Variants in DNAI4 observed in about 807,000 individuals in gnomAD.
DNAI4 encodes dynein axonemal intermediate chain 4, also known as WD repeat domain 78.
Under a neutral mutation model 105.8 loss-of-function variants are expected in DNAI4, and 85 were observed. The observed-to-expected ratio is 0.80, with a 90% CI of 0.67 to 0.96. The LOEUF is 0.96. Among genes scored for constraint, DNAI4 ranks in the 40% least tolerant of loss-of-function variants. The pLI is 0.00. For missense variants in DNAI4, 1,014 were observed against 1,005.6 expected (o/e 1.01, Z -0.11); for synonymous variants, 352 against 331.5 (o/e 1.06, Z -0.67).
chr1:66,842,703 A>G (rs1646176423), intron 8 of DNAI4, among the ~76,000 whole-genome samples: 1 of 152,014 alleles, frequency 6.6e-6, no homozygotes, highest in Non-Finnish European at 1.5e-5. Flanking sequence ...AGACAAGAGT[A>G]TGTTTAGCTT....
At chr1:66,834,657 G>A (rs959958598) in intron 11 of DNAI4, among the ~76,000 whole-genome samples, 17 of 151,936 alleles carry the variant, frequency 1.1e-4, no homozygotes, top group Non-Finnish European at 2.4e-4. Flanking sequence ...CTATGGATTA[G>A]AGTTAAAATT....
intron 5 of DNAI4, among the ~76,000 whole-genome samples, chr1:66,873,833 T>TTTC (rs1646901393): frequency 6.6e-6 from 1 of 151,494 alleles, no homozygotes; most frequent in South Asian, 2.1e-4. Flanking sequence ...TATCTGTCCC[T>TTTC]TTCTTTTTTC....
At chr1:66,825,597 G>A (rs1645736613) in intron 15 of DNAI4, among the ~76,000 whole-genome samples, 1 of 152,212 alleles carries the variant, frequency 6.6e-6, no homozygotes, top group Admixed American at 6.5e-5. Context: ...TCTACCTAGT[G>A]TCCTCAAAAG....
intron 6 of DNAI4, among the ~76,000 whole-genome samples, chr1:66,863,451 GTTTA>G (rs905669011): frequency 1.3e-5 from 2 of 151,836 alleles, no homozygotes; most frequent in African/African-American, 2.4e-5. Flanking sequence ...TTTTTTGTTT[GTTTA>G]TTTGTTTGTT....
chr1:66,851,287 T>G (rs181012713), intron 7 of DNAI4, among the ~76,000 whole-genome samples: 3 of 151,872 alleles, frequency 2.0e-5, no homozygotes, highest in East Asian at 1.9e-4. Flanking sequence ...CAAGAAGACA[T>G]AGCAATAATT....
chr1:66,900,264 GCTAA>G (rs1320847488), intron 2 of DNAI4, among the ~76,000 whole-genome samples: 1 of 151,910 alleles, frequency 6.6e-6, no homozygotes, highest in Non-Finnish European at 1.5e-5. Context: ...ACCACACCCG[GCTAA>G]CTTTGTATTT....
At chr1:66,864,391 C>T (rs1646688113) in intron 6 of DNAI4, among the ~76,000 whole-genome samples, 1 of 152,100 alleles carries the variant, frequency 6.6e-6, no homozygotes, top group Admixed American at 6.5e-5. Context: ...GCATTCCAAA[C>T]TATGCCTTTT....
chr1:66,865,952 T>G (rs1481624736), intron 6 of DNAI4, among the ~76,000 whole-genome samples: 1 of 152,154 alleles, frequency 6.6e-6, no homozygotes. Context: ...AAAGGTGGCA[T>G]TTCAAATAAT....
intron 2 of DNAI4, among the ~76,000 whole-genome samples, chr1:66,897,948 G>C (rs1190845288): frequency 1.3e-5 from 2 of 152,076 alleles, no homozygotes; most frequent in African/African-American, 4.8e-5. Context: ...CAGAACTACA[G>C]AGCTATCAGC....
In DNAI4 at chr1:66,837,709, C is replaced by T; in HGVS notation, c.1581+1G>A. ...ATGCTTCTTATTCTTGTTTGGGTTA[C>T]CATGGGATTCTTTATTGACCAGCAG... On this transcript the variant is annotated splice_donor_variant, in intron 10 of 16. Coordinates refer to ENST00000371026, the MANE Select transcript of DNAI4 (RefSeq NM_024763.5). LOFTEE classifies it high-confidence loss of function. 1.2e-6 allele frequency: 2 copies of T among 1,606,972 alleles called. No individual in the cohort carries two copies. Among genetic ancestry groups the T allele is most frequent in the Admixed American group, 1.7e-5 (1 of 59,584 alleles).
intron 16 of DNAI4, among the ~76,000 whole-genome samples, chr1:66,816,871 A>C (rs184807776): frequency 6.6e-6 from 1 of 151,984 alleles, no homozygotes; most frequent in South Asian, 2.1e-4. Context: ...TCAAATCCAA[A>C]CACAAAAATT....
chr1:66,891,505 A>G (rs1647643975), intron 3 of DNAI4, among the ~76,000 whole-genome samples: 1 of 152,232 alleles, frequency 6.6e-6, no homozygotes, highest in African/African-American at 2.4e-5. Context: ...TCTGTCACCC[A>G]GGCTGTAGTG....
At chr1:66,847,720 G>A (rs1642387997) in intron 7 of DNAI4, 42 bp from the exon 8 acceptor site, 1 of 1,413,154 alleles carries the variant, frequency 7.1e-7, no homozygotes, top group Non-Finnish European at 9.7e-7. Context: ...ATATTCAAAT[G>A]GATGGTTCAT....
chr1:66,813,036 A>G lies in DNAI4; in HGVS notation c.*1094T>C, dbSNP rs1162691649. 1 of 152,386 alleles carries G rather than the reference A, an allele frequency of 6.6e-6. No homozygotes were observed. The allele number at this position is 152,386 out of a possible 1,614,324, so 9.4% of individuals were successfully genotyped here. On this transcript the variant is annotated 3_prime_UTR_variant, in exon 17 of 17. Coordinates refer to ENST00000371026, the MANE Select transcript of DNAI4 (RefSeq NM_024763.5). Reference sequence around the variant, plus strand: ...CCTGACCTAGGCTCTAAATCCATGTAAAATTTGCCTTGCTTTTGTTTAAGG... The same window carrying G: ...CCTGACCTAGGCTCTAAATCCATGTGAAATTTGCCTTGCTTTTGTTTAAGG...
chr1:66,859,360 A>C (rs1387477698), intron 7 of DNAI4, among the ~76,000 whole-genome samples: 1 of 152,216 alleles, frequency 6.6e-6, no homozygotes, highest in Non-Finnish European at 1.5e-5. Context: ...TGGATGCAAA[A>C]TAGTACAACC....
intron 13 of DNAI4, among the ~76,000 whole-genome samples, chr1:66,829,757 T>C (rs1645829170): frequency 6.6e-6 from 1 of 152,170 alleles, no homozygotes; most frequent in Admixed American, 6.5e-5. Context: ...AAGAAAAGCA[T>C]AATACATATT....
chr1:66,865,083 T>C (rs1446014842), intron 6 of DNAI4, among the ~76,000 whole-genome samples: 1 of 152,174 alleles, frequency 6.6e-6, no homozygotes, highest in Non-Finnish European at 1.5e-5. Flanking sequence ...TTTTAAATAA[T>C]GAAAGTTTAC....
chr1:66,853,272 T>G (rs895225358), intron 7 of DNAI4, among the ~76,000 whole-genome samples: 3 of 152,200 alleles, frequency 2.0e-5, no homozygotes, highest in African/African-American at 7.2e-5. Context: ...GCATTACCCC[T>G]TGGGCTTTCC....
chr1:66,814,374 G>C (rs924659600), intron 16 of DNAI4, among the ~76,000 whole-genome samples, 194 bp from the exon 17 acceptor site: 1 of 151,652 alleles, frequency 6.6e-6, no homozygotes, highest in Non-Finnish European at 1.5e-5. Flanking sequence ...TCCATGAAAG[G>C]CTCTTTTTTT....
Sources: allele counts gnomAD v4.1 joint callset (sites outside exome capture counted in the v4.1 genomes callset), GRCh38; gene constraint gnomAD v4.1.1; transcripts MANE v1.5; gene names NCBI Gene and HGNC (gene_info 2026-07-23, HGNC 2026-07-21).